Variants in NLGN1 observed in about 807,000 individuals in gnomAD.
NLGN1 encodes neuroligin 1.
In NLGN1, 12 loss-of-function variants were observed where a neutral mutation model predicts 65.5. That is an observed-to-expected ratio of 0.18 (90% CI 0.12 to 0.30). NLGN1 has a LOEUF of 0.30. Among genes scored for constraint, NLGN1 ranks in the 10% least tolerant of loss-of-function variants. The pLI is 1.00. For synonymous variants in NLGN1, 350 were observed against 359.5 expected (o/e 0.97, Z 0.30); for missense variants, 750 against 1,007.1 (o/e 0.74, Z 3.46).
chr3:173,589,814 G>GT (rs1326589836), intron 2 of NLGN1, among the ~76,000 whole-genome samples: 2 of 152,004 alleles, frequency 1.3e-5, no homozygotes, highest in Non-Finnish European at 2.9e-5. Context: ...CCCAATGAAT[G>GT]GTAGATCTAC....
chr3:173,615,982 C>G (rs951242980), intron 3 of NLGN1, among the ~76,000 whole-genome samples: 3 of 152,032 alleles, frequency 2.0e-5, no homozygotes, highest in Non-Finnish European at 4.4e-5. Context: ...GAGCTGCCCT[C>G]AAAGAGTTCA....
At chr3:173,891,893 G>A (rs1039434347) in intron 4 of NLGN1, among the ~76,000 whole-genome samples, 7 of 150,256 alleles carry the variant, frequency 4.7e-5, no homozygotes, top group African/African-American at 1.8e-4. Context: ...CACACCTTGC[G>A]GTGAGTAATA....
chr3:173,740,526 A>C (rs890094961), intron 3 of NLGN1, among the ~76,000 whole-genome samples: 2 of 152,048 alleles, frequency 1.3e-5, no homozygotes, highest in African/African-American at 4.8e-5. Context: ...GTTCTCCCTC[A>C]TGCCCTCCCA....
At chr3:174,206,917 C>T (rs1735524727) in intron 4 of NLGN1, among the ~76,000 whole-genome samples, 1 of 152,030 alleles carries the variant, frequency 6.6e-6, no homozygotes, top group Non-Finnish European at 1.5e-5. Flanking sequence ...AGAGTAAGTA[C>T]TTCTGGTTGA....
intron 4 of NLGN1, among the ~76,000 whole-genome samples, chr3:173,818,895 C>CATTTTTTTTTTT (rs1719585923): frequency 1.1e-5 from 1 of 92,398 alleles, no homozygotes; most frequent in African/African-American, 4.7e-5. Flanking sequence ...TTGAATAGTT[C>CATTTTTTTTTTT]TTTTTTTTTT....
intron 2 of NLGN1, among the ~76,000 whole-genome samples, chr3:173,560,177 C>T (rs1303073618): frequency 2.0e-5 from 3 of 151,960 alleles, no homozygotes; most frequent in African/African-American, 7.2e-5. Flanking sequence ...GTGATCCGCC[C>T]GCCTCGGCCT....
At chr3:173,931,417 A>C (rs1008722450) in intron 4 of NLGN1, among the ~76,000 whole-genome samples, 45 of 152,308 alleles carry the variant, frequency 3.0e-4, no homozygotes, top group African/African-American at 1.0e-3. Context: ...CCTATTTTCA[A>C]ATAGATTGGT....
At chr3:174,145,998 C>T (rs1416170740) in intron 4 of NLGN1, among the ~76,000 whole-genome samples, 1 of 152,230 alleles carries the variant, frequency 6.6e-6, no homozygotes, top group Non-Finnish European at 1.5e-5. Flanking sequence ...CACACGCATT[C>T]ACAAACCTTG....
chr3:173,853,521 A>G (rs1018417117), intron 4 of NLGN1, among the ~76,000 whole-genome samples: 7 of 152,168 alleles, frequency 4.6e-5, no homozygotes, highest in African/African-American at 1.7e-4. Flanking sequence ...TACATTACAA[A>G]GTACCCAAAG....
At chr3:174,247,203 G>A (rs772742189) in intron 4 of NLGN1, among the ~76,000 whole-genome samples, 1 of 152,144 alleles carries the variant, frequency 6.6e-6, no homozygotes, top group East Asian at 1.9e-4. Flanking sequence ...AATATCAAAG[G>A]TTCTTCCTCA....
rs114712625 is a variant in NLGN1 at position 174,067,015 on chromosome 3, C to T, written c.647-208300C>T. On this transcript the variant is annotated intron_variant, in intron 4 of 6. Coordinates refer to ENST00000457714, the Ensembl canonical transcript of NLGN1. ...CTTAATTTCAAATGCTTTTGCTTCT[C>T]TGTATTTCTGAATTTGTTGTTTAAT... Among the ~76,000 whole-genome samples the T allele has an allele frequency of 2.4e-3, 359 of 152,228 alleles. 4 individuals are homozygous for T. The highest frequency in any genetic ancestry group is 4.3e-3 in the Non-Finnish European group (290 of 68,000).
intron 3 of NLGN1, among the ~76,000 whole-genome samples, chr3:173,701,395 G>C (rs1357359619): frequency 6.6e-6 from 1 of 151,982 alleles, no homozygotes; most frequent in Non-Finnish European, 1.5e-5. Flanking sequence ...TGTGATGAGG[G>C]AAGCAAAACT....
chr3:173,832,699 A>T (rs1310822638), intron 4 of NLGN1, among the ~76,000 whole-genome samples: 1 of 152,220 alleles, frequency 6.6e-6, no homozygotes. Flanking sequence ...TTAAAAACAC[A>T]TCGTTATACT....
chr3:174,244,585 A>T lies in NLGN1; in HGVS notation c.647-30730A>T, dbSNP rs184745147. ...GAATTGAAATAAAAGGAAACAGTGT[A>T]GGTAAAATAATTTTTAAAAGGAGAT... On this transcript the variant is annotated intron_variant, in intron 4 of 6. Coordinates refer to ENST00000457714, the Ensembl canonical transcript of NLGN1. Among the ~76,000 whole-genome samples, 16 of 152,358 alleles carry T rather than the reference A, an allele frequency of 1.1e-4. No individual in the cohort carries two copies. In the East Asian group the frequency reaches 2.3e-3, roughly 22 times the overall value.
At chr3:173,436,575 G>A (rs1718176799) in intron 2 of NLGN1, among the ~76,000 whole-genome samples, 1 of 152,138 alleles carries the variant, frequency 6.6e-6, no homozygotes, top group Admixed American at 6.6e-5. Flanking sequence ...CATATCTACA[G>A]GTTTTTATCT....
At chr3:173,865,636 A>G (rs889976448) in intron 4 of NLGN1, among the ~76,000 whole-genome samples, 2 of 152,208 alleles carry the variant, frequency 1.3e-5, no homozygotes, top group African/African-American at 4.8e-5. Flanking sequence ...AGAGAAACTG[A>G]GGTTTAAATC....
chr3:174,200,484 C>T (rs1039225678), intron 4 of NLGN1, among the ~76,000 whole-genome samples: 4 of 152,098 alleles, frequency 2.6e-5, no homozygotes, highest in Admixed American at 6.5e-5. Flanking sequence ...TTTTTAAATG[C>T]TTTGAGAGGT....
intron 2 of NLGN1, among the ~76,000 whole-genome samples, chr3:173,592,447 T>C (rs952885332): frequency 6.6e-6 from 1 of 152,192 alleles, no homozygotes; most frequent in Non-Finnish European, 1.5e-5. Context: ...TTGTATTTTC[T>C]TTTTTGCCAC....
chr3:173,553,553 A>G (rs1229384055), intron 2 of NLGN1, among the ~76,000 whole-genome samples: 7 of 152,198 alleles, frequency 4.6e-5, no homozygotes, highest in Non-Finnish European at 8.8e-5. Context: ...AAAGAGCCTC[A>G]TAAGTAAGAG....
Sources: allele counts gnomAD v4.1 joint callset (sites outside exome capture counted in the v4.1 genomes callset), GRCh38; gene constraint gnomAD v4.1.1; transcripts MANE v1.5; gene names NCBI Gene and HGNC (gene_info 2026-07-23, HGNC 2026-07-21).